The following CDK13 variants were observed in gnomAD, a reference collection of about 807,000 sequenced individuals.
The protein encoded by CDK13 is cyclin-dependent kinase 13.
Under a neutral mutation model 137.6 loss-of-function variants are expected in CDK13, and 40 were observed. The ratio of observed to expected loss-of-function variants is 0.29; its 90% confidence interval spans 0.23 to 0.38. The LOEUF (loss-of-function observed/expected upper bound fraction) is 0.38, where lower values mean the gene tolerates loss of function less well. Ranked by LOEUF, CDK13 falls within the 10% of genes least tolerant of loss-of-function variation. The pLI, the probability that CDK13 is intolerant of heterozygous loss-of-function variation, is 1.00. For missense variants in CDK13, 1,704 were observed against 1,951.8 expected (o/e 0.87, Z 2.39); for synonymous variants, 869 against 760.1 (o/e 1.14, Z -2.36).
intron 1 of CDK13, among the ~76,000 whole-genome samples, chr7:39,956,169 G>C (rs1359361720): frequency 6.6e-6 from 1 of 152,014 alleles, no homozygotes; most frequent in East Asian, 1.9e-4. Flanking sequence ...AAATCCCTAG[G>C]TGAATGGAAT....
intron 7 of CDK13, chr7:40,060,782 AGGC>A (rs1786124876): frequency 6.6e-6 from 1 of 152,172 alleles, no homozygotes; most frequent in Non-Finnish European, 1.5e-5. Flanking sequence ...AAAGGGGATA[AGGC>A]AGCTGGGCAC....
intron 5 of CDK13, among the ~76,000 whole-genome samples, chr7:40,016,367 A>G (rs1351249756): frequency 6.6e-6 from 1 of 152,134 alleles, no homozygotes; most frequent in Non-Finnish European, 1.5e-5. Flanking sequence ...AAGTGAGACA[A>G]TATGTGAAGT....
rs534930936 is a variant in CDK13 at position 40,032,388 on chromosome 7, A to C, written c.2354-13448A>C. Among the ~76,000 whole-genome samples, 3 of 152,242 alleles carry C rather than the reference A, an allele frequency of 2.0e-5. No homozygotes were observed. In the South Asian group the frequency reaches 6.2e-4, roughly 32 times the overall value. On this transcript the variant is annotated intron_variant, in intron 5 of 13. Transcript: ENST00000181839. ...ACCCTGCCAAAGAGCAGAAGTTTTA[A>C]ATTTTAACGCTATCCAACATATTAG...
intron 5 of CDK13, among the ~76,000 whole-genome samples, chr7:40,004,277 T>C (rs1181213044): frequency 6.6e-6 from 1 of 152,222 alleles, no homozygotes; most frequent in African/African-American, 2.4e-5. Flanking sequence ...TTTTTAGTTT[T>C]GTTTCTCCTC....
In CDK13 at chr7:40,059,744, G is replaced by A. The variant is rs145201164; in HGVS notation, c.2601-3082G>A. ...CTACTCCGTTGACACTTCCTTGAAT[G>A]TAAAAATAATTTTTAGAGTGTGGTA... On this transcript the variant is annotated intron_variant, in intron 7 of 13. Coordinates refer to ENST00000181839, the MANE Select transcript of CDK13 (RefSeq NM_003718.5). 6.7e-3 allele frequency among the ~76,000 whole-genome samples: 1,021 copies of A among 152,326 alleles called. 12 individuals carry two copies. Among genetic ancestry groups the A allele is most frequent in the African/African-American group, 0.023 (951 of 41,574 alleles).
chr7:40,031,078 T>A (rs189021093), intron 5 of CDK13, among the ~76,000 whole-genome samples: 2 of 152,366 alleles, frequency 1.3e-5, no homozygotes, highest in East Asian at 1.9e-4. Context: ...CCAAACTGTC[T>A]TCCGTAGTGT....
At position 40,092,880 on chromosome 7, in the gene CDK13, G is replaced by A. The variant is rs77309901; in HGVS notation, c.3331G>A (p.Val1111Ile). 6.2e-7 allele frequency: 1 copy of A among 1,614,134 alleles called. No homozygotes were observed. Among genetic ancestry groups the A allele is most frequent in the African/African-American group, 1.3e-5 (1 of 75,040 alleles). ...AACAAGTGTTAATATGGCTGATTTTGTCCAAGTGTTGAACATTAAGGTAAA... is the reference window on the plus strand; with the variant it reads ...AACAAGTGTTAATATGGCTGATTTTATCCAAGTGTTGAACATTAAGGTAAA... ...SKTSVNMADF[V>I]QVLNIKVNSE... is the part of the protein sequence containing the mutation. Residue 1111 changes from valine (V) to isoleucine (I), a missense_variant, in exon 13 of 14, where the codon GTC becomes ATC. Val to Ile is a conservative substitution (Grantham distance 29). Around this residue, in one of 5 missense-constraint regions of CDK13, gnomAD observed 475 missense variants for 579.3 expected, o/e 0.82. Transcript: ENST00000181839.
At position 40,094,143 on chromosome 7, in the gene CDK13, C is replaced by T. The variant is rs776311257; in HGVS notation, c.3702C>T (p.Leu1234=). 1.1e-5 allele frequency: 17 copies of T among 1,613,724 alleles called. No homozygotes were observed. Among genetic ancestry groups the T allele is most frequent in the Non-Finnish European group, 1.4e-5 (16 of 1,179,962 alleles). ...PSTPVSGQDD[L]IQHQDMRILE... is the part of the protein sequence containing the mutation. Reference sequence around the variant, plus strand: ...TGTTTCACTTAGGACAAGATGACCTCATCCAGCATCAAGATATGAGGATCT... The same window carrying T: ...TGTTTCACTTAGGACAAGATGACCTTATCCAGCATCAAGATATGAGGATCT... Residue 1234 remains leucine, a synonymous_variant, in exon 14 of 14, where the codon CTC becomes CTT. Transcript: ENST00000181839.
At chr7:39,963,579 A>G (rs1402149451) in intron 1 of CDK13, among the ~76,000 whole-genome samples, 3 of 152,216 alleles carry the variant, frequency 2.0e-5, no homozygotes, top group Non-Finnish European at 4.4e-5. Flanking sequence ...AACAGGGACA[A>G]TTTGACTTTC....
At chr7:40,009,404 G>C (rs774809269) in intron 5 of CDK13, among the ~76,000 whole-genome samples, 10 of 152,174 alleles carry the variant, frequency 6.6e-5, no homozygotes, top group Non-Finnish European at 1.3e-4. Flanking sequence ...TATGCCTTTA[G>C]TTAAAGCAGA....
intron 1 of CDK13, among the ~76,000 whole-genome samples, chr7:39,965,063 A>C (rs1219642960): frequency 1.3e-5 from 2 of 152,154 alleles, no homozygotes; most frequent in Admixed American, 1.3e-4. Flanking sequence ...CAATTTTGGA[A>C]TAGGTGTGGT....
Position 39,999,503 on chromosome 7 carries a change from A to T in CDK13, c.2182+3A>T, listed in dbSNP as rs1784638563. 1 of 1,596,038 alleles carries T rather than the reference A, an allele frequency of 6.3e-7. No homozygotes were observed. ...CAAAGCCAGGGATAAAGACACTGGT[A>T]AGAATGCCAAGTTCTGGGGATCTTT... On this transcript the variant is annotated splice_donor_region_variant and intron_variant, in intron 4 of 13. Coordinates refer to ENST00000181839, the MANE Select transcript of CDK13 (RefSeq NM_003718.5).
intron 5 of CDK13, among the ~76,000 whole-genome samples, chr7:40,021,665 T>G (rs1583999340): frequency 6.6e-6 from 1 of 152,278 alleles, no homozygotes; most frequent in East Asian, 1.9e-4. Context: ...TTAAAATATA[T>G]ATGTATAATG....
At chr7:40,033,281 TAG>T (rs138803866) in intron 5 of CDK13, among the ~76,000 whole-genome samples, 34,554 of 151,868 alleles carry the variant, frequency 0.23, 6,838 homozygotes, top group African/African-American at 0.52. Context: ...GATTCTTTCT[TAG>T]AGTTTCCATT....
At chr7:40,024,787 C>T (rs1481241079) in intron 5 of CDK13, among the ~76,000 whole-genome samples, 2 of 150,992 alleles carry the variant, frequency 1.3e-5, no homozygotes, top group African/African-American at 4.9e-5. Flanking sequence ...CGTCTACCTC[C>T]TGAGTAGCTG....
Position 40,045,930 on chromosome 7 carries a change from A to T in CDK13, c.2448A>T (p.Ser816=). The change falls in exon 6 of 14, where the codon TCA becomes TCT. Residue 816 remains serine, a synonymous_variant. Transcript: ENST00000181839. The stretch of plus-strand genomic sequence containing the variant: ...ATTTTAATGAAAATCACATAAAGTC[A>T]TTTATGAGACAGCTCATGGAGGGTC... ...LVHFNENHIK[S]FMRQLMEGLD... The T allele has an allele frequency of 6.2e-7, 1 of 1,610,596 alleles. No individual in the cohort carries two copies. Among genetic ancestry groups the T allele is most frequent in the South Asian group, 1.1e-5 (1 of 91,028 alleles).
chr7:39,976,180 C>G (rs1043745736), intron 1 of CDK13, among the ~76,000 whole-genome samples: 1 of 151,498 alleles, frequency 6.6e-6, no homozygotes, highest in Non-Finnish European at 1.5e-5. Flanking sequence ...GTAATCCCAG[C>G]TACTTGGGAG....
At position 40,045,874 on chromosome 7, in the gene CDK13, C is replaced by T. The variant is rs190090570; in HGVS notation, c.2392C>T (p.Leu798=). 1 of 1,612,232 alleles carries T rather than the reference C, an allele frequency of 6.2e-7. No individual in the cohort carries two copies. The highest frequency in any genetic ancestry group is 1.3e-5 in the African/African-American group (1 of 74,942). The change falls in exon 6 of 14, where the codon CTG becomes TTG. Residue 798 remains leucine (L), a synonymous_variant. Coordinates refer to ENST00000181839, the MANE Select transcript of CDK13 (RefSeq NM_003718.5). ...YLVFEYMDHD[L]MGLLESGLVH... ...GGTGTTTGAATATATGGACCATGAT[C>T]TGATGGGACTACTGGAATCAGGCTT...
intron 5 of CDK13, among the ~76,000 whole-genome samples, chr7:40,011,722 G>C (rs1423125865): frequency 6.6e-6 from 1 of 152,040 alleles, no homozygotes; most frequent in Non-Finnish European, 1.5e-5. Flanking sequence ...ATCTTGGATT[G>C]GGCAGATGCT....
Sources: gnomAD v4.1 joint callset for allele counts (sites outside exome capture counted in the v4.1 genomes callset) on GRCh38, gnomAD v4.1.1 for gene constraint, gnomAD v4.1.1 regional missense constraint, MANE v1.5 for transcripts, NCBI Gene and HGNC (gene_info 2026-07-23, HGNC 2026-07-21) for gene names.